Variants in KIAA0753 observed in about 807,000 individuals in gnomAD.
KIAA0753 encodes the protein protein moonraker.
Under a neutral mutation model 116.9 loss-of-function variants are expected in KIAA0753, and 114 were observed. The observed-to-expected ratio is 0.98, with a 90% CI of 0.84 to 1.14. KIAA0753 has a LOEUF of 1.14. KIAA0753 is among the 50% of genes most tolerant of loss of function. The pLI is 0.00. For synonymous variants in KIAA0753, 405 were observed against 413.1 expected, an observed-to-expected ratio of 0.98 and a Z score of 0.24; for missense variants, 1,156 against 1,172.4, an observed-to-expected ratio of 0.99 and a Z score of 0.20.
At chr17:6,592,999 T>G (rs1027010303) in intron 16 of KIAA0753, among the ~76,000 whole-genome samples, 7 of 152,142 alleles carry the variant, frequency 4.6e-5, no homozygotes, top group African/African-American at 1.7e-4. Context: ...TGCACAACTA[T>G]GTGAATATAC....
At chr17:6,601,242 A>G (rs1030760437) in intron 12 of KIAA0753, among the ~76,000 whole-genome samples, 1 of 152,120 alleles carries the variant, frequency 6.6e-6, no homozygotes, top group Non-Finnish European at 1.5e-5. Flanking sequence ...CCCTTTCCCT[A>G]CTTCACACAA....
chr17:6,609,131 C>A (rs1477874753), intron 9 of KIAA0753, among the ~76,000 whole-genome samples: 2 of 152,190 alleles, frequency 1.3e-5, no homozygotes, highest in Non-Finnish European at 2.9e-5. Context: ...ATGAGCACGG[C>A]CATTCCTTCA....
intron 14 of KIAA0753, among the ~76,000 whole-genome samples, chr17:6,598,468 T>G (rs1969630397): frequency 6.6e-6 from 1 of 152,236 alleles, no homozygotes; most frequent in South Asian, 2.1e-4. Context: ...ACCTTCTTCC[T>G]GCCCCTAAGG....
chr17:6,596,528 A>G (rs1969499193), intron 14 of KIAA0753, among the ~76,000 whole-genome samples, 185 bp from the exon 15 acceptor site: 1 of 152,256 alleles, frequency 6.6e-6, no homozygotes, highest in Non-Finnish European at 1.5e-5. Context: ...ATCAAAAGCA[A>G]TAACATCAGA....
chr17:6,589,948 G>T lies in KIAA0753; in HGVS notation c.2617C>A (p.Leu873Ile). Residue 873 changes from leucine (L) to isoleucine (I), a missense_variant, in exon 18 of 19, where the codon CTT becomes ATT. Coordinates refer to ENST00000361413, the MANE Select transcript of KIAA0753 (RefSeq NM_014804.3). ...EEGSEKREAPLLSLAEDSQQK... is the reference protein window; with the variant it reads ...EEGSEKREAPILSLAEDSQQK... ...TGAGAATCTTCGGCTAGGGAGAGAA[G>T]AGGGGCCTCTCTTTTCTCTGATCCT... 2 of 1,606,638 alleles carry T rather than the reference G, an allele frequency of 1.2e-6. No homozygotes were observed. The highest frequency in any genetic ancestry group is 1.7e-6 in the Non-Finnish European group (2 of 1,177,782).
At chr17:6,631,885 TTTTATTTA>T (rs534584397) in intron 2 of KIAA0753, among the ~76,000 whole-genome samples, 1 of 152,112 alleles carries the variant, frequency 6.6e-6, no homozygotes, top group Non-Finnish European at 1.5e-5. Flanking sequence ...CTGGAGTATC[TTTTATTTA>T]TTTATTTATT....
At chr17:6,602,781 G>A (rs1161564108) in intron 12 of KIAA0753, among the ~76,000 whole-genome samples, 3 of 152,046 alleles carry the variant, frequency 2.0e-5, no homozygotes, top group Non-Finnish European at 4.4e-5. Context: ...ATTATACCAC[G>A]ATAGAAACAA....
rs201267757 is a variant in KIAA0753 at position 6,612,129 on chromosome 17, C to T, written c.1335G>A (p.Thr445=). 15 of 1,613,018 alleles carry T rather than the reference C, an allele frequency of 9.3e-6. No homozygotes were observed. Among genetic ancestry groups the T allele is most frequent in the African/African-American group, 5.3e-5 (4 of 74,958 alleles). ...QLLADKYQPD[T]ELPETQRLQS... ...GCAACCTCTGGGTCTCCGGAAGCTC[C>T]GTATCGGGCTGATACTTATCTACAT... Residue 445 remains threonine, a synonymous_variant, in exon 8 of 19, where the codon ACG becomes ACA. Transcript: ENST00000361413.
At chr17:6,594,940 A>T in intron 16 of KIAA0753, 32 bp downstream of exon 16, 1 of 1,537,994 alleles carries the variant, frequency 6.5e-7, no homozygotes, top group Non-Finnish European at 9.0e-7. Flanking sequence ...TCAGAATAAA[A>T]TGTTAGGGGA....
chr17:6,634,903 C>T (rs1212054691), intron 2 of KIAA0753, 108 bp downstream of exon 2: 4 of 715,140 alleles, frequency 5.6e-6, no homozygotes, highest in Non-Finnish European at 7.1e-6. Flanking sequence ...AAATTGTTAG[C>T]AATTGCTGAA....
At chr17:6,592,020 G>A (rs918835214) in intron 16 of KIAA0753, among the ~76,000 whole-genome samples, 1 of 152,236 alleles carries the variant, frequency 6.6e-6, no homozygotes, top group Non-Finnish European at 1.5e-5. Context: ...GGCCAGGAAG[G>A]GAACTAAATT....
At chr17:6,595,118 G>T in intron 15 of KIAA0753, 65 bp from the exon 16 acceptor site, 1 of 1,151,102 alleles carries the variant, frequency 8.7e-7, no homozygotes, top group South Asian at 1.3e-5. Context: ...AACCAGAACT[G>T]GTAAAGATGT....
In KIAA0753 at chr17:6,579,717, T is replaced by G; in HGVS notation, c.*30A>C. 1 of 1,481,200 alleles carries G rather than the reference T, an allele frequency of 6.8e-7. No homozygotes were observed. The highest frequency in any genetic ancestry group is 9.4e-7 in the Non-Finnish European group (1 of 1,060,754). The allele number at this position is 1,481,200 out of a possible 1,614,324, so 91.8% of individuals were successfully genotyped here. ...GGGTGGTGCCATCCCTTCTCCAGTG[T>G]GACACAAATGGCCTCGCCTCAGAGA... On this transcript the variant is annotated 3_prime_UTR_variant, in exon 19 of 19. Coordinates refer to ENST00000361413, the MANE Select transcript of KIAA0753 (RefSeq NM_014804.3).
At chr17:6,607,431 G>A (rs895984973) in intron 10 of KIAA0753, among the ~76,000 whole-genome samples, 161 bp from the exon 11 acceptor site, 12 of 152,124 alleles carry the variant, frequency 7.9e-5, no homozygotes, top group Non-Finnish European at 1.5e-4. Flanking sequence ...TACCCCTAAA[G>A]CTCTCTAGAA....
chr17:6,607,533 T>G (rs1321440837), intron 10 of KIAA0753, among the ~76,000 whole-genome samples: 1 of 152,178 alleles, frequency 6.6e-6, no homozygotes, highest in African/African-American at 2.4e-5. Context: ...AGACTTGGGG[T>G]TTCTTATTAG....
In KIAA0753 at chr17:6,628,497, A is replaced by C; in HGVS notation, c.338T>G (p.Phe113Cys). The C allele has an allele frequency of 6.2e-7, 1 of 1,614,126 alleles. No homozygotes were observed. Among genetic ancestry groups the C allele is most frequent in the South Asian group, 1.1e-5 (1 of 91,084 alleles). ...ATGATGTTCTTTTATATGTTTTTCA[A>C]ATTGTCTTCGTTTCACATCTCTTCT... The part of the protein sequence containing the change: ...LARRDVKRRQ[F>C]EKHIKEHHLR... The change falls in exon 3 of 19, where the codon TTT becomes TGT. Residue 113 changes from phenylalanine to cysteine, a missense_variant. Physicochemically the swap from Phe to Cys is radical, Grantham distance 205. Transcript: ENST00000361413.
intron 2 of KIAA0753, among the ~76,000 whole-genome samples, chr17:6,630,818 A>G (rs999350621): frequency 3.7e-4 from 57 of 152,344 alleles, no homozygotes; most frequent in Middle Eastern, 3.4e-3. Context: ...GTTCAGCAGA[A>G]AGCACTATGC....
chr17:6,610,915 A>G (rs1970498701), intron 8 of KIAA0753, among the ~76,000 whole-genome samples: 1 of 152,226 alleles, frequency 6.6e-6, no homozygotes, highest in Non-Finnish European at 1.5e-5. Context: ...TGACATCTCA[A>G]TGATTCATGG....
chr17:6,624,747 T>G lies in KIAA0753; in HGVS notation c.825+8A>C. On this transcript the variant is annotated splice_region_variant and intron_variant, in intron 4 of 18. Coordinates refer to ENST00000361413, the MANE Select transcript of KIAA0753 (RefSeq NM_014804.3). ...TGACTGCCCTACTTCTCCCTGAACT[T>G]TTCACACCTGCTGCTGGAGGACGTA... 1 of 1,551,146 alleles carries G rather than the reference T, an allele frequency of 6.4e-7. No homozygotes were observed. Among genetic ancestry groups the G allele is most frequent in the African/African-American group, 1.4e-5 (1 of 73,394 alleles).
Sources: allele counts gnomAD v4.1 joint callset (sites outside exome capture counted in the v4.1 genomes callset), GRCh38; gene constraint gnomAD v4.1.1; transcripts MANE v1.5; gene names NCBI Gene and HGNC (gene_info 2026-07-23, HGNC 2026-07-21).